The following ENPP1 variants were observed in gnomAD, a reference collection of about 807,000 sequenced individuals.
The protein encoded by ENPP1 is ectonucleotide pyrophosphatase/phosphodiesterase 1, also known as ectonucleotide pyrophosphatase/phosphodiesterase family member 1.
A neutral mutation model predicts 122.8 loss-of-function variants in ENPP1; 73 were observed. That is an observed-to-expected ratio of 0.59 (90% confidence interval 0.49 to 0.72). The LOEUF is 0.72. Ranked by LOEUF, ENPP1 falls within the 30% of genes least tolerant of loss-of-function variation. The probability of loss-of-function intolerance (pLI) is 0.00; values close to 1 mark genes in which losing one functional copy is unlikely to be tolerated. For missense variants in ENPP1, 978 were observed against 1,128.1 expected (o/e 0.87, Z 1.91); for synonymous variants, 367 against 391.6 (o/e 0.94, Z 0.74).
rs1416080494 is a variant in ENPP1 at position 131,808,069 on chromosome 6, C to G, written c.34C>G (p.Arg12Gly). ...CGACGGCTGCGCGGGGGGCGGGAGCCGCGGCGGCGAGGGCGGGCGCGCTCC... is the reference window on the plus strand; with the variant it reads ...CGACGGCTGCGCGGGGGGCGGGAGCGGCGGCGGCGAGGGCGGGCGCGCTCC... ...ERDGCAGGGS[R>G]GGEGGRAPRE... Residue 12 changes from arginine (R) to glycine (G), a missense_variant, in exon 1 of 25, where the codon CGC becomes GGC. By Grantham distance (125) the Arg-to-Gly change is moderately radical. Coordinates refer to ENST00000647893, the MANE Select transcript of ENPP1 (RefSeq NM_006208.3). 5 of 1,001,482 alleles carry G rather than the reference C, an allele frequency of 5.0e-6. No homozygotes were observed. The African/African-American group carries it at 7.2e-5, about 14-fold the overall frequency. 62.0% of individuals were successfully genotyped at this position (1,001,482 alleles called of 1,614,324 possible).
At chr6:131,824,519 A>G (rs1050986847) in intron 1 of ENPP1, among the ~76,000 whole-genome samples, 7 of 151,996 alleles carry the variant, frequency 4.6e-5, no homozygotes, top group Non-Finnish European at 1.0e-4. Context: ...CAGTGGCGCC[A>G]TCTCGGCTCA....
At chr6:131,814,546 ATTAT>A (rs1243023270) in intron 1 of ENPP1, among the ~76,000 whole-genome samples, 2 of 152,214 alleles carry the variant, frequency 1.3e-5, no homozygotes, top group Non-Finnish European at 2.9e-5. Flanking sequence ...AGAAGCTGGC[ATTAT>A]TTGAGATTTG....
At chr6:131,813,537 A>T (rs977259742) in intron 1 of ENPP1, among the ~76,000 whole-genome samples, 2 of 152,048 alleles carry the variant, frequency 1.3e-5, no homozygotes, top group East Asian at 1.9e-4. Flanking sequence ...CTCAAAAAAA[A>T]AAAAGGGATG....
chr6:131,827,667 C>A (rs1781561718), intron 1 of ENPP1: 1 of 637,992 alleles, frequency 1.6e-6, no homozygotes, highest in African/African-American at 1.8e-5. Context: ...TGATGTCCTT[C>A]TGCTCTACGT....
At chr6:131,816,004 A>C (rs924043875) in intron 1 of ENPP1, among the ~76,000 whole-genome samples, 1 of 149,348 alleles carries the variant, frequency 6.7e-6, no homozygotes, top group Non-Finnish European at 1.5e-5. Flanking sequence ...TACAGGCGTG[A>C]GCCACCACGC....
chr6:131,879,828 T>A, intron 19 of ENPP1, 52 bp from the exon 20 acceptor site: 1 of 1,488,508 alleles, frequency 6.7e-7, no homozygotes, highest in African/African-American at 1.4e-5. Context: ...TCACACTATA[T>A]ATTATCATAT....
chr6:131,854,700 A>G (rs981607787), intron 5 of ENPP1, among the ~76,000 whole-genome samples: 8 of 152,222 alleles, frequency 5.3e-5, no homozygotes, highest in African/African-American at 1.9e-4. Flanking sequence ...ATACTATGTG[A>G]TGATATATAT....
intron 1 of ENPP1, among the ~76,000 whole-genome samples, chr6:131,813,200 A>T (rs1179779461): frequency 3.3e-5 from 5 of 152,032 alleles, no homozygotes; most frequent in South Asian, 2.1e-4. Flanking sequence ...TAAAACTTGG[A>T]ATCAACAGAA....
intron 1 of ENPP1, among the ~76,000 whole-genome samples, chr6:131,815,238 G>T (rs765688497): frequency 2.0e-5 from 3 of 152,152 alleles, no homozygotes; most frequent in Non-Finnish European, 4.4e-5. Flanking sequence ...ATTCTCTCAG[G>T]TACAGACACT....
intron 1 of ENPP1, among the ~76,000 whole-genome samples, chr6:131,837,122 C>T (rs1781683710): frequency 6.6e-6 from 1 of 151,024 alleles, no homozygotes; most frequent in Non-Finnish European, 1.5e-5. Flanking sequence ...TGACCTTGTC[C>T]ACCAAGAACA....
At chr6:131,876,453 A>G (rs1585836573) in intron 17 of ENPP1, among the ~76,000 whole-genome samples, 1 of 152,214 alleles carries the variant, frequency 6.6e-6, no homozygotes, top group East Asian at 1.9e-4. Context: ...GGGAGTCTAT[A>G]TAGTTTAAAT....
chr6:131,858,348 G>A (rs1460569083), intron 6 of ENPP1, among the ~76,000 whole-genome samples: 1 of 152,138 alleles, frequency 6.6e-6, no homozygotes, highest in Admixed American at 6.5e-5. Flanking sequence ...TATGATTTAG[G>A]TATTTGACCA....
chr6:131,840,354 CA>C (rs1254267839), intron 1 of ENPP1, among the ~76,000 whole-genome samples: 6 of 151,770 alleles, frequency 4.0e-5, no homozygotes, highest in Non-Finnish European at 7.4e-5. Flanking sequence ...AGAACTAAAA[CA>C]AAAAAAGGAA....
At chr6:131,879,296 G>C (rs1246761973) in intron 19 of ENPP1, among the ~76,000 whole-genome samples, 1 of 152,084 alleles carries the variant, frequency 6.6e-6, no homozygotes, top group Admixed American at 6.5e-5. Flanking sequence ...TATGAGCTTA[G>C]GTACTATATG....
chr6:131,840,550 A>G (rs1781727497), intron 1 of ENPP1, among the ~76,000 whole-genome samples: 1 of 152,182 alleles, frequency 6.6e-6, no homozygotes, highest in Non-Finnish European at 1.5e-5. Context: ...CTCGTCACCA[A>G]TCTAGGCATG....
intron 5 of ENPP1, among the ~76,000 whole-genome samples, chr6:131,853,961 G>A (rs1430781994): frequency 6.6e-6 from 1 of 152,106 alleles, no homozygotes; most frequent in Non-Finnish European, 1.5e-5. Context: ...CACGTTAACT[G>A]TTTGTATATG....
At chr6:131,818,902 T>A (rs980871641) in intron 1 of ENPP1, among the ~76,000 whole-genome samples, 8 of 152,228 alleles carry the variant, frequency 5.3e-5, no homozygotes, top group South Asian at 2.1e-4. Context: ...TTATTTGACA[T>A]ATTTTCTCAA....
rs1366990966 is a variant in ENPP1 at position 131,895,129 on chromosome 6, A to G, written c.*4618A>G. On this transcript the variant is annotated 3_prime_UTR_variant, in exon 25 of 25. Coordinates refer to ENST00000647893, the MANE Select transcript of ENPP1 (RefSeq NM_006208.3). ...ATTGTCTCTAAGCTAAGAAATGTGG[A>G]TGTTCAAATAAAACATACGTACAGA... 1 of 152,232 alleles carries G rather than the reference A, an allele frequency of 6.6e-6. No individual in the cohort carries two copies. Among genetic ancestry groups the G allele is most frequent in the Non-Finnish European group, 1.5e-5 (1 of 68,048 alleles). The allele number at this position is 152,232 out of a possible 1,614,324, so 9.4% of individuals were successfully genotyped here.
intron 1 of ENPP1, among the ~76,000 whole-genome samples, chr6:131,841,338 C>T (rs932082726): frequency 6.6e-6 from 1 of 152,182 alleles, no homozygotes; most frequent in Non-Finnish European, 1.5e-5. Context: ...AGTTCTTTTT[C>T]AGAAAGCATG....
Sources: allele counts gnomAD v4.1 joint callset (sites outside exome capture counted in the v4.1 genomes callset), GRCh38; gene constraint gnomAD v4.1.1; transcripts MANE v1.5; gene names NCBI Gene and HGNC (gene_info 2026-07-23, HGNC 2026-07-21).